RASSF8: variants seen among roughly 807,000 people sequenced by gnomAD.
The protein encoded by RASSF8 is Ras association domain family member 8.
In RASSF8, 22 loss-of-function variants were observed where a neutral mutation model predicts 48.5. The ratio of observed to expected loss-of-function variants is 0.45; its 90% CI spans 0.32 to 0.65. The LOEUF is 0.65. Among genes scored for constraint, RASSF8 ranks in the 30% least tolerant of loss-of-function variants. The pLI, the probability that RASSF8 is intolerant of heterozygous loss-of-function variation, is 0.03. For missense variants in RASSF8, 418 were observed against 489.2 expected (o/e 0.85, Z 1.37); for synonymous variants, 127 against 171.5 (o/e 0.74, Z 2.03).
At chr12:26,006,594 G>A (rs550009085) in intron 2 of RASSF8, among the ~76,000 whole-genome samples, 1 of 152,256 alleles carries the variant, frequency 6.6e-6, no homozygotes, top group South Asian at 2.1e-4. Flanking sequence ...ATACTTAGGG[G>A]TAGTTGTTTA....
chr12:26,073,599 C>T (rs951920969), downstream of RASSF8, among the ~76,000 whole-genome samples: 13 of 152,026 alleles, frequency 8.6e-5, no homozygotes, highest in Admixed American at 2.0e-4. Flanking sequence ...AATAGCTGGG[C>T]GTGGTGGCGG....
At chr12:26,056,716 C>T (rs1403931872) in intron 3 of RASSF8, among the ~76,000 whole-genome samples, 1 of 152,206 alleles carries the variant, frequency 6.6e-6, no homozygotes, top group South Asian at 2.1e-4. Context: ...CACTATTGCA[C>T]AAGAATATAT....
At chr12:25,997,797 T>C (rs930998279) in intron 2 of RASSF8, among the ~76,000 whole-genome samples, 1 of 152,226 alleles carries the variant, frequency 6.6e-6, no homozygotes, top group Non-Finnish European at 1.5e-5. Context: ...CATCATCCTT[T>C]TTTTGGCCAA....
intron 2 of RASSF8, among the ~76,000 whole-genome samples, chr12:26,023,486 C>G (rs899479661): frequency 6.6e-6 from 1 of 152,034 alleles, no homozygotes; most frequent in African/African-American, 2.4e-5. Context: ...GGATCACTTT[C>G]AAAAAGCTGA....
In RASSF8 at chr12:25,966,540, AC is replaced by A. The variant is rs552346322; in HGVS notation, c.-203+7393del. 5.8e-3 allele frequency among the ~76,000 whole-genome samples: 887 copies of A among 152,284 alleles called. 6 individuals carry two copies. The highest frequency in any genetic ancestry group is 0.021 in the African/African-American group (854 of 41,550). On this transcript the variant is annotated intron_variant, in intron 1 of 5. Transcript: ENST00000689635. ...GGTTTTAATTTGCATTTCCCTAACA[AC>A]TAGTGATGTAAAGAATCTTTTCATG...
chr12:25,998,296 A>G (rs779585599), intron 2 of RASSF8, among the ~76,000 whole-genome samples: 2 of 151,056 alleles, frequency 1.3e-5, no homozygotes, highest in Non-Finnish European at 2.9e-5. Flanking sequence ...TCCAGACATC[A>G]TTTTTAGATA....
intron 2 of RASSF8, among the ~76,000 whole-genome samples, chr12:26,021,034 A>G (rs983196473): frequency 2.6e-5 from 4 of 152,194 alleles, no homozygotes; most frequent in African/African-American, 7.2e-5. Context: ...AAAATCTAGG[A>G]GAATTCTTTA....
intron 2 of RASSF8, among the ~76,000 whole-genome samples, chr12:26,000,252 A>G: frequency 6.6e-6 from 1 of 152,212 alleles, no homozygotes; most frequent in Admixed American, 6.5e-5. Flanking sequence ...GCCACTGCAA[A>G]TAATGAATGT....
chr12:25,961,323 A>G (rs1276448728), intron 1 of RASSF8, among the ~76,000 whole-genome samples: 1 of 152,232 alleles, frequency 6.6e-6, no homozygotes, highest in Non-Finnish European at 1.5e-5. Flanking sequence ...CTAGTGTTCA[A>G]AACATTACAA....
rs184518341 is a variant in RASSF8, at chr12:26,037,209, A to G, written c.-108-18027A>G. On this transcript the variant is annotated intron_variant, in intron 2 of 5. Coordinates refer to ENST00000689635, the MANE Select transcript of RASSF8 (RefSeq NM_001394098.1). ...GCAGGGTGGGAAACAGTGTCTGTAC[A>G]GAATTTGAAAACAATAAAATTAAGA... is the stretch of plus-strand genomic sequence containing the variant. 2.6e-5 allele frequency among the ~76,000 whole-genome samples: 4 copies of G among 152,334 alleles called. No individual in the cohort carries two copies. The East Asian group carries it at 5.8e-4, about 22-fold the overall frequency.
chr12:26,032,305 G>T (rs1035156145), intron 2 of RASSF8, among the ~76,000 whole-genome samples: 5 of 152,152 alleles, frequency 3.3e-5, no homozygotes, highest in Admixed American at 3.3e-4. Flanking sequence ...AGAAATTTGA[G>T]TCATTAATAT....
At chr12:25,978,696 T>C (rs1226837046) in intron 1 of RASSF8, among the ~76,000 whole-genome samples, 4 of 152,040 alleles carry the variant, frequency 2.6e-5, no homozygotes, top group Admixed American at 6.6e-5. Context: ...TTTTTTTTTT[T>C]TTAACCAGGG....
At chr12:26,035,009 A>G (rs1592290717) in intron 2 of RASSF8, among the ~76,000 whole-genome samples, 1 of 152,122 alleles carries the variant, frequency 6.6e-6, no homozygotes, top group Non-Finnish European at 1.5e-5. Context: ...TTTTGGTATT[A>G]TGGTGATTAC....
intron 2 of RASSF8, among the ~76,000 whole-genome samples, chr12:26,014,317 T>C (rs1942596189): frequency 6.6e-6 from 1 of 152,250 alleles, no homozygotes; most frequent in Non-Finnish European, 1.5e-5. Flanking sequence ...AAGCATCACA[T>C]TCTTGGCATG....
chr12:26,022,113 A>G (rs759415812), intron 2 of RASSF8, among the ~76,000 whole-genome samples: 1 of 152,116 alleles, frequency 6.6e-6, no homozygotes, highest in Non-Finnish European at 1.5e-5. Flanking sequence ...AACAATTTAT[A>G]CTCTAGAACA....
chr12:26,042,709 A>G (rs2729649), intron 2 of RASSF8, among the ~76,000 whole-genome samples: 105,002 of 151,926 alleles, frequency 0.69, 36,370 homozygotes, highest in East Asian at 0.81. Context: ...GTCCCTGAGC[A>G]TTTTTAAAAT....
At position 26,070,474 on chromosome 12, in the gene RASSF8, C is replaced by T; in HGVS notation, c.*1656C>T. On this transcript the variant is annotated 3_prime_UTR_variant, in exon 6 of 6. Coordinates refer to ENST00000689635, the MANE Select transcript of RASSF8 (RefSeq NM_001394098.1). ...CTGAAGATATGAGTTTCTTTGGGTTCTTGGAGTTATCAAATTGATCTTGCC... is the reference window on the plus strand; with the variant it reads ...CTGAAGATATGAGTTTCTTTGGGTTTTTGGAGTTATCAAATTGATCTTGCC... 1 of 985,190 alleles carries T rather than the reference C, an allele frequency of 1.0e-6. No homozygotes were observed. The highest frequency in any genetic ancestry group is 1.2e-6 in the Non-Finnish European group (1 of 829,760). The allele number at this position is 985,190 out of a possible 1,614,324, so 61.0% of individuals were successfully genotyped here.
chr12:25,984,097 A>C (rs1160077174), intron 1 of RASSF8, among the ~76,000 whole-genome samples: 2 of 152,166 alleles, frequency 1.3e-5, no homozygotes, highest in African/African-American at 4.8e-5. Flanking sequence ...GGTCTGGCCC[A>C]GTCACCAAGG....
Position 26,055,485 on chromosome 12 carries a change from T to C in RASSF8, c.103+39T>C, listed in dbSNP as rs551433190. On this transcript the variant is annotated intron_variant, in intron 3 of 5. Transcript: ENST00000689635. ...GTGGGTATCTGAGAAAAGTACATTG[T>C]GCTTTCTTTCGTTGTATGTGTTTGT... The C allele has an allele frequency of 1.3e-4, 195 of 1,495,986 alleles. No homozygotes were observed. The Admixed American group carries it at 1.5e-3, about 11-fold the overall frequency. 92.7% of individuals were successfully genotyped at this position (1,495,986 alleles called of 1,614,324 possible). A position where few individuals can be genotyped will look rare whatever the true frequency, so the allele number is the denominator to read the frequency against.
Sources: gnomAD v4.1 joint callset for allele counts (sites outside exome capture counted in the v4.1 genomes callset) on GRCh38, gnomAD v4.1.1 for gene constraint, MANE v1.5 for transcripts, NCBI Gene and HGNC (gene_info 2026-07-23, HGNC 2026-07-21) for gene names.